Variants in RIMS1 observed in about 807,000 individuals in gnomAD.
RIMS1 encodes the protein regulating synaptic membrane exocytosis 1, also known as regulating synaptic membrane exocytosis protein 1.
Under a neutral mutation model 214.1 loss-of-function variants are expected in RIMS1, and 83 were observed. The observed-to-expected ratio is 0.39, with a 90% CI of 0.32 to 0.47. The LOEUF (loss-of-function observed/expected upper bound fraction) is 0.47, where lower values mean the gene tolerates loss of function less well. Ranked by LOEUF, RIMS1 falls within the 20% of genes least tolerant of loss-of-function variation. The pLI, the probability that RIMS1 is intolerant of heterozygous loss-of-function variation, is 0.99. For missense variants in RIMS1, 2,050 were observed against 2,161.8 expected, an observed-to-expected ratio of 0.95 and a Z score of 1.03; for synonymous variants, 793 against 786.8, an observed-to-expected ratio of 1.01 and a Z score of -0.13.
In RIMS1 at chr6:72,380,439, C is replaced by A. The variant is rs183569718; in HGVS notation, c.4367-10159C>A. 1.4e-4 allele frequency among the ~76,000 whole-genome samples: 21 copies of A among 152,208 alleles called. No individual in the cohort carries two copies. In the East Asian group the frequency reaches 3.7e-3, roughly 27 times the overall value. ...AATGCAATAAAGCATTTGCTTCTTT[C>A]TAGGCTTCAACCTGAAGTATTACTT... On this transcript the variant is annotated intron_variant, in intron 29 of 33. Coordinates refer to ENST00000521978, the MANE Select transcript of RIMS1 (RefSeq NM_014989.7).
chr6:72,255,035 A>T (rs986701433), intron 16 of RIMS1, among the ~76,000 whole-genome samples: 2 of 152,186 alleles, frequency 1.3e-5, no homozygotes, highest in African/African-American at 4.8e-5. Context: ...CATAAATTAA[A>T]GGAGAGCATG....
At chr6:72,196,854 T>G (rs1260194040) in intron 6 of RIMS1, among the ~76,000 whole-genome samples, 1 of 130 alleles carries the variant, frequency 7.7e-3, no homozygotes, top group Non-Finnish European at 0.033. Context: ...TAAAGCATCT[T>G]TGTGAAGACT....
At chr6:71,963,384 C>T (rs1333411662) in intron 1 of RIMS1, among the ~76,000 whole-genome samples, 2 of 152,134 alleles carry the variant, frequency 1.3e-5, no homozygotes, top group South Asian at 2.1e-4. Flanking sequence ...AAGAAGAATA[C>T]GTGAGATATG....
chr6:72,384,657 A>G (rs1189748226), intron 29 of RIMS1, among the ~76,000 whole-genome samples: 1 of 151,956 alleles, frequency 6.6e-6, no homozygotes, highest in Non-Finnish European at 1.5e-5. Context: ...TTTACTCTTT[A>G]TGTGTATTTC....
At chr6:71,916,770 C>G (rs2150691532) in intron 1 of RIMS1, among the ~76,000 whole-genome samples, 1 of 152,232 alleles carries the variant, frequency 6.6e-6, no homozygotes, top group East Asian at 1.9e-4. Context: ...TCACACTGAG[C>G]TCGTTTATTC....
At chr6:72,252,108 A>G (rs1050636191) in intron 15 of RIMS1, among the ~76,000 whole-genome samples, 10 of 152,010 alleles carry the variant, frequency 6.6e-5, no homozygotes, top group African/African-American at 2.4e-4. Context: ...GGGAAAAGCT[A>G]TTTTTTTCTG....
chr6:72,250,878 C>A, intron 13 of RIMS1, 43 bp from the exon 14 acceptor site: 1 of 1,123,788 alleles, frequency 8.9e-7, no homozygotes, highest in Non-Finnish European at 1.2e-6. Flanking sequence ...TAGATGGCAG[C>A]ATGTACTTGC....
chr6:72,273,336 G>A (rs2084398562), intron 22 of RIMS1, among the ~76,000 whole-genome samples: 1 of 151,998 alleles, frequency 6.6e-6, no homozygotes, highest in African/African-American at 2.4e-5. Flanking sequence ...ACCTAAATGA[G>A]TCCTTTAAGA....
At chr6:72,357,048 A>C (rs1485965933) in intron 29 of RIMS1, among the ~76,000 whole-genome samples, 1 of 152,242 alleles carries the variant, frequency 6.6e-6, no homozygotes, top group Non-Finnish European at 1.5e-5. Context: ...GATAAAGCAC[A>C]GCTAAATACC....
At chr6:72,294,507 G>A (rs1028312632) in intron 26 of RIMS1, among the ~76,000 whole-genome samples, 18 of 151,672 alleles carry the variant, frequency 1.2e-4, no homozygotes, top group African/African-American at 4.3e-4. Flanking sequence ...TATTTCAAAT[G>A]GTTTAGATTA....
chr6:72,302,314 A>G (rs2094701153), intron 26 of RIMS1, among the ~76,000 whole-genome samples: 1 of 151,626 alleles, frequency 6.6e-6, no homozygotes. Flanking sequence ...GTGGGCAGAG[A>G]CTAGTATTGT....
intron 1 of RIMS1, among the ~76,000 whole-genome samples, chr6:71,909,020 C>A (rs183590568): frequency 6.6e-6 from 1 of 152,106 alleles, no homozygotes; most frequent in Non-Finnish European, 1.5e-5. Flanking sequence ...GGCAGAGTCT[C>A]GCTTTGTTGC....
At chr6:71,897,370 C>T (rs552093524) in intron 1 of RIMS1, among the ~76,000 whole-genome samples, 113 of 152,226 alleles carry the variant, frequency 7.4e-4, no homozygotes, top group African/African-American at 2.5e-3. Flanking sequence ...CCATAAAACC[C>T]GCTTGCTTTC....
At chr6:72,198,435 G>A (rs2051365190) in intron 6 of RIMS1, among the ~76,000 whole-genome samples, 1 of 151,952 alleles carries the variant, frequency 6.6e-6, no homozygotes, top group Admixed American at 6.6e-5. Flanking sequence ...CTCATATGTG[G>A]GAGCTAATAG....
At chr6:71,939,520 G>C (rs565558531) in intron 1 of RIMS1, among the ~76,000 whole-genome samples, 1 of 152,158 alleles carries the variant, frequency 6.6e-6, no homozygotes, top group East Asian at 1.9e-4. Context: ...TCACAGACTA[G>C]ATAATTTATT....
In RIMS1 at chr6:71,968,363, A is replaced by T. The variant is rs186691248; in HGVS notation, c.165-620A>T. 5.9e-5 allele frequency among the ~76,000 whole-genome samples: 9 copies of T among 152,294 alleles called. No homozygotes were observed. The East Asian group carries it at 9.7e-4, about 16-fold the overall frequency. ...GTGATGCATGACTTAAGGCACAAAGACATTTAATTACTTTTTTTCACATTT... is the reference window on the plus strand; with the variant it reads ...GTGATGCATGACTTAAGGCACAAAGTCATTTAATTACTTTTTTTCACATTT... On this transcript the variant is annotated intron_variant, in intron 1 of 33. Transcript: ENST00000521978.
At chr6:71,991,962 G>A (rs1455122376) in intron 2 of RIMS1, among the ~76,000 whole-genome samples, 1 of 152,158 alleles carries the variant, frequency 6.6e-6, no homozygotes, top group Admixed American at 6.5e-5. Context: ...CTACTTGGGA[G>A]GCTGAGGCAG....
intron 2 of RIMS1, among the ~76,000 whole-genome samples, chr6:72,067,693 T>C (rs530394666): frequency 6.6e-5 from 10 of 152,304 alleles, no homozygotes; most frequent in South Asian, 4.1e-4. Flanking sequence ...GTGCCTACAA[T>C]AGTACCTGGC....
intron 2 of RIMS1, among the ~76,000 whole-genome samples, chr6:72,005,828 G>A (rs145344073): frequency 3.3e-5 from 5 of 152,282 alleles, no homozygotes; most frequent in African/African-American, 1.2e-4. Context: ...GGCAAAATAT[G>A]GTTCAGAAAC....
Sources: allele counts gnomAD v4.1 joint callset (sites outside exome capture counted in the v4.1 genomes callset), GRCh38; gene constraint gnomAD v4.1.1; transcripts MANE v1.5; gene names NCBI Gene and HGNC (gene_info 2026-07-23, HGNC 2026-07-21).